Variants in TRPM1 observed in about 807,000 individuals in gnomAD.
TRPM1 encodes the protein TRPM1-203 APA Isoform, Intron 10.
A neutral mutation model predicts 149.4 loss-of-function variants in TRPM1; 113 were observed. That is an observed-to-expected ratio of 0.76 (90% CI 0.65 to 0.88). The LOEUF (loss-of-function observed/expected upper bound fraction) is 0.88. TRPM1 is among the 40% of genes least tolerant of loss of function. The probability of loss-of-function intolerance (pLI) is 0.00; values close to 1 mark genes in which losing one functional copy is unlikely to be tolerated. For missense variants in TRPM1, 1,976 were observed against 2,038.7 expected (o/e 0.97, Z 0.59); for synonymous variants, 741 against 759.5 (o/e 0.98, Z 0.40).
At chr15:31,041,004 G>A (rs2033597805) in intron 17 of TRPM1, among the ~76,000 whole-genome samples, 1 of 152,220 alleles carries the variant, frequency 6.6e-6, no homozygotes, top group Non-Finnish European at 1.5e-5. Flanking sequence ...GCCCAGGCCA[G>A]AGGGCGTCTA....
chr15:31,084,525 C>T (rs902436377), intron 1 of TRPM1, among the ~76,000 whole-genome samples: 3 of 152,128 alleles, frequency 2.0e-5, no homozygotes, highest in East Asian at 1.9e-4. Flanking sequence ...ATCCAGGTAG[C>T]GCAGATCAGG....
chr15:31,069,772 G>A, intron 4 of TRPM1: 1 of 1,451,104 alleles, frequency 6.9e-7, no homozygotes, highest in South Asian at 1.5e-5. Flanking sequence ...GCAGGGTTGG[G>A]CCAGAGCCTG....
At chr15:31,083,096 G>A (rs1047484393) in intron 1 of TRPM1, among the ~76,000 whole-genome samples, 1 of 152,142 alleles carries the variant, frequency 6.6e-6, no homozygotes, top group Non-Finnish European at 1.5e-5. Context: ...GACATGGCTC[G>A]GGGAAGTGGC....
At chr15:31,098,759 C>A (rs946807393) in intron 1 of TRPM1, among the ~76,000 whole-genome samples, 1 of 152,002 alleles carries the variant, frequency 6.6e-6, no homozygotes, top group Non-Finnish European at 1.5e-5. Flanking sequence ...CCTGGGGGAG[C>A]AGACACAGGA....
At chr15:31,088,658 G>C (rs867303480) in intron 1 of TRPM1, among the ~76,000 whole-genome samples, 30 of 152,320 alleles carry the variant, frequency 2.0e-4, no homozygotes, top group Admixed American at 7.2e-4. Flanking sequence ...CCACACTCAC[G>C]GACTAGGATG....
Position 31,047,208 on chromosome 15 carries a change from C to A in TRPM1, c.1667G>T (p.Gly556Val). The change falls in exon 15 of 28, where the codon GGG (glycine) becomes GTG (valine). Residue 556 changes from glycine to valine, a missense_variant. By Grantham distance (109) the Gly-to-Val change is moderately radical. Transcript: ENST00000256552. ...PDYHISLIDI[G>V]LVLEYLMGGA... ...TCCCATGAGGTACTCCAGCACGAGC[C>A]CGATGTCTATGAGGCTGATGTGGTA... The A allele has an allele frequency of 6.2e-7, 1 of 1,614,182 alleles. No homozygotes were observed. Among genetic ancestry groups the A allele is most frequent in the Non-Finnish European group, 8.5e-7 (1 of 1,180,042 alleles).
chr15:31,025,587 C>A (rs1331529055), intron 27 of TRPM1, among the ~76,000 whole-genome samples: 4 of 152,142 alleles, frequency 2.6e-5, no homozygotes, highest in Non-Finnish European at 1.5e-5. Flanking sequence ...AAAGACACAC[C>A]CTGCCCTAGT....
intron 27 of TRPM1, among the ~76,000 whole-genome samples, chr15:31,022,073 A>G (rs2032568907): frequency 6.6e-6 from 1 of 152,196 alleles, no homozygotes; most frequent in South Asian, 2.1e-4. Context: ...AACACACTGG[A>G]TAACATAATT....
At chr15:31,021,557 G>A (rs2032551372) in intron 27 of TRPM1, among the ~76,000 whole-genome samples, 1 of 152,092 alleles carries the variant, frequency 6.6e-6, no homozygotes, top group Non-Finnish European at 1.5e-5. Flanking sequence ...TTAGCTGGGT[G>A]TGGTGGTGCA....
intron 11 of TRPM1, among the ~76,000 whole-genome samples, chr15:31,059,844 T>C (rs2034176792): frequency 6.6e-6 from 1 of 152,216 alleles, no homozygotes; most frequent in African/African-American, 2.4e-5. Context: ...CTGCTTTGAC[T>C]GAAGAAGAAG....
chr15:31,026,945 C>G lies in TRPM1; in HGVS notation c.3466G>C (p.Gly1156Arg). 1 of 1,614,098 alleles carries G rather than the reference C, an allele frequency of 6.2e-7. No homozygotes were observed. The highest frequency in any genetic ancestry group is 2.2e-5 in the East Asian group (1 of 44,888). ...LSGRCRKKRE[G>R]DQEERDRGLK... is the part of the protein sequence containing the mutation. ...CCACGATCCCGTTCCTCTTGGTCCC[C>G]TTCTCTCTTTTTCCTGCAGCGGCCG... Residue 1156 changes from glycine (G) to arginine (R), a missense_variant, in exon 26 of 28, where the codon GGG (glycine) becomes CGG (arginine). Gly to Arg is a moderately radical substitution (Grantham distance 125, BLOSUM62 -2). Transcript: ENST00000256552.
chr15:31,031,432 A>T (rs2033074242), intron 22 of TRPM1: 1 of 523,532 alleles, frequency 1.9e-6, no homozygotes, highest in Non-Finnish European at 3.4e-6. Flanking sequence ...CATGTCCCTT[A>T]GTAACTACAA....
chr15:31,104,586 C>CTTTT (rs928062797), upstream of TRPM1, among the ~76,000 whole-genome samples: 82 of 87,478 alleles, frequency 9.4e-4, 1 homozygote, highest in Non-Finnish European at 1.1e-3. Context: ...GGTGATCTTC[C>CTTTT]TTTTTTTTTT....
intron 27 of TRPM1, among the ~76,000 whole-genome samples, chr15:31,024,739 T>A (rs1262236836): frequency 6.6e-6 from 1 of 152,226 alleles, no homozygotes; most frequent in Non-Finnish European, 1.5e-5. Flanking sequence ...TTCAAGTTAA[T>A]GTCTAACTAA....
At chr15:31,071,136 T>C (rs2034526144) in intron 3 of TRPM1, among the ~76,000 whole-genome samples, 1 of 152,192 alleles carries the variant, frequency 6.6e-6, no homozygotes, top group South Asian at 2.1e-4. Context: ...TAGGATTTCA[T>C]CTGTTACTCC....
intron 25 of TRPM1, 101 bp from the exon 26 acceptor site, chr15:31,027,218 G>T: frequency 8.8e-7 from 1 of 1,135,582 alleles, no homozygotes; most frequent in Non-Finnish European, 1.3e-6. Flanking sequence ...TACTCAATGA[G>T]ATGGCCTTTT....
chr15:31,108,611 A>G (rs1337221382), intron 1 of TRPM1, among the ~76,000 whole-genome samples: 1 of 152,222 alleles, frequency 6.6e-6, no homozygotes, highest in Non-Finnish European at 1.5e-5. Flanking sequence ...CTCCGGCCTC[A>G]GCCTGCCAAG....
intron 2 of TRPM1, among the ~76,000 whole-genome samples, chr15:31,077,210 T>C (rs2034719330): frequency 1.3e-5 from 2 of 152,218 alleles, no homozygotes; most frequent in South Asian, 2.1e-4. Flanking sequence ...AATTCATCCA[T>C]ATCCACCTGT....
At chr15:31,095,932 A>G (rs1238705877) in intron 1 of TRPM1, among the ~76,000 whole-genome samples, 1 of 150,866 alleles carries the variant, frequency 6.6e-6, no homozygotes, top group African/African-American at 2.4e-5. Context: ...TGTAATCCCA[A>G]CTATTTGGGA....
Sources: gnomAD v4.1 joint callset for allele counts (sites outside exome capture counted in the v4.1 genomes callset) on GRCh38, gnomAD v4.1.1 for gene constraint, MANE v1.5 for transcripts, NCBI Gene and HGNC (gene_info 2026-07-23, HGNC 2026-07-21) for gene names.